The following RORA variants were observed in gnomAD, a reference collection of about 807,000 sequenced individuals.
RORA encodes nuclear receptor ROR-alpha.
Under a neutral mutation model 69.5 loss-of-function variants are expected in RORA, and 7 were observed. That is an observed-to-expected ratio of 0.10 (90% confidence interval 0.06 to 0.19). The LOEUF is 0.19. RORA is among the 10% of genes least tolerant of loss of function. The pLI is 1.00. For missense variants in RORA, 457 were observed against 663.0 expected (o/e 0.69, Z 3.41); for synonymous variants, 261 against 240.8 (o/e 1.08, Z -0.78).
intron 1 of RORA, among the ~76,000 whole-genome samples, chr15:60,819,761 A>ACACACACACACACACACACACACGCACG (rs1567202047): frequency 2.2e-5 from 3 of 138,034 alleles, no homozygotes; most frequent in African/African-American, 7.9e-5. Context: ...ACACACACAC[A>ACACACACACACACACACACACACGCACG]CACACACACA....
At chr15:61,142,274 C>CTG (rs1232949012) in intron 1 of RORA, among the ~76,000 whole-genome samples, 13 of 152,166 alleles carry the variant, frequency 8.5e-5, no homozygotes, top group African/African-American at 2.7e-4. Flanking sequence ...CCAAGCTCCT[C>CTG]TGGCATCTCT....
At chr15:60,673,148 A>G (rs2070500104) in intron 2 of RORA, among the ~76,000 whole-genome samples, 2 of 152,198 alleles carry the variant, frequency 1.3e-5, no homozygotes, top group African/African-American at 4.8e-5. Context: ...AATGCAATTC[A>G]TGAACCTCAA....
chr15:60,929,822 C>A (rs1051938868), intron 1 of RORA, among the ~76,000 whole-genome samples: 6 of 152,170 alleles, frequency 3.9e-5, no homozygotes, highest in Non-Finnish European at 8.8e-5. Context: ...GCCTCCCCTC[C>A]AGCCCCCAGA....
chr15:60,847,138 C>G (rs1012397331), intron 1 of RORA, among the ~76,000 whole-genome samples: 3 of 152,156 alleles, frequency 2.0e-5, no homozygotes, highest in African/African-American at 7.2e-5. Flanking sequence ...AACCTCTGCC[C>G]TTGTTTTCAG....
intron 2 of RORA, among the ~76,000 whole-genome samples, chr15:60,596,431 G>A (rs1298842671): frequency 6.6e-6 from 1 of 152,144 alleles, no homozygotes; most frequent in Non-Finnish European, 1.5e-5. Context: ...AGCCACCACT[G>A]CACTGTGACC....
At chr15:60,816,853 G>T (rs2072824871) in intron 1 of RORA, among the ~76,000 whole-genome samples, 1 of 151,960 alleles carries the variant, frequency 6.6e-6, no homozygotes, top group Non-Finnish European at 1.5e-5. Flanking sequence ...TTTCTAATGG[G>T]TTAACATTTT....
chr15:60,918,498 TG>T (rs1159068734), intron 1 of RORA, among the ~76,000 whole-genome samples: 1 of 152,252 alleles, frequency 6.6e-6, no homozygotes, highest in Non-Finnish European at 1.5e-5. Flanking sequence ...TAATTACGAT[TG>T]GAATTGCCAT....
chr15:61,221,001 T>C (rs919175241), intron 1 of RORA, among the ~76,000 whole-genome samples: 2 of 152,208 alleles, frequency 1.3e-5, no homozygotes, highest in Non-Finnish European at 2.9e-5. Context: ...TCATCCTTCT[T>C]ATCTTTCCCC....
chr15:60,709,837 A>G (rs1473214872), intron 1 of RORA, among the ~76,000 whole-genome samples: 1 of 152,126 alleles, frequency 6.6e-6, no homozygotes, highest in Non-Finnish European at 1.5e-5. Context: ...TCCTGAAACC[A>G]TCCCCCAACA....
intron 2 of RORA, among the ~76,000 whole-genome samples, chr15:60,572,086 T>C (rs1041959256): frequency 2.0e-5 from 3 of 152,168 alleles, no homozygotes; most frequent in African/African-American, 7.2e-5. Context: ...CATAAGTCTA[T>C]GGAAAAAATA....
At chr15:60,609,430 G>A (rs1352061380) in intron 2 of RORA, among the ~76,000 whole-genome samples, 1 of 152,126 alleles carries the variant, frequency 6.6e-6, no homozygotes, top group Non-Finnish European at 1.5e-5. Flanking sequence ...AAAAGTCTCA[G>A]GTATAGGGAA....
intron 2 of RORA, chr15:60,592,407 A>G: frequency 7.0e-7 from 1 of 1,436,442 alleles, no homozygotes; most frequent in Non-Finnish European, 9.2e-7. Flanking sequence ...TGCGATCACA[A>G]AATACATCAT....
rs2065188955 is a variant in RORA at position 60,497,183 on chromosome 15, T to G, written c.*272A>C. 3.2e-6 allele frequency: 1 copy of G among 308,170 alleles called. No homozygotes were observed. Among genetic ancestry groups the G allele is most frequent in the East Asian group, 6.1e-5 (1 of 16,370 alleles). The allele number at this position is 308,170 out of a possible 1,614,324, so 19.1% of individuals were successfully genotyped here. The stretch of plus-strand genomic sequence containing the variant: ...TCCTCCGACTTTAGTACCCTCCTCC[T>G]GTTGTAAACAGAGGTCAATGATCAA... On this transcript the variant is annotated 3_prime_UTR_variant, in exon 11 of 11. Transcript: ENST00000335670.
At chr15:61,055,682 C>T (rs1208350374) in intron 1 of RORA, among the ~76,000 whole-genome samples, 2 of 152,206 alleles carry the variant, frequency 1.3e-5, no homozygotes, top group African/African-American at 2.4e-5. Context: ...AAAATGTGAT[C>T]ATCCTGAACT....
intron 1 of RORA, among the ~76,000 whole-genome samples, chr15:61,171,754 G>A (rs537075574): frequency 6.6e-6 from 1 of 152,150 alleles, no homozygotes; most frequent in Non-Finnish European, 1.5e-5. Context: ...GAGAGGCCTG[G>A]GTCATCTGTC....
At chr15:60,554,880 A>C (rs1038678736) in intron 2 of RORA, among the ~76,000 whole-genome samples, 1 of 150,928 alleles carries the variant, frequency 6.6e-6, no homozygotes, top group African/African-American at 2.4e-5. Context: ...CCCCACGCTC[A>C]CCCCCTGGTT....
chr15:60,886,012 G>A (rs746074123), intron 1 of RORA, among the ~76,000 whole-genome samples: 21 of 152,158 alleles, frequency 1.4e-4, no homozygotes, highest in Non-Finnish European at 2.6e-4. Flanking sequence ...TTTTCCTAGG[G>A]AATCACTTCC....
chr15:60,525,407 G>A (rs1265049846), intron 3 of RORA, among the ~76,000 whole-genome samples: 6 of 152,200 alleles, frequency 3.9e-5, no homozygotes, highest in East Asian at 1.9e-4. Flanking sequence ...AGGCTGAAAT[G>A]CTGATCTGAT....
chr15:60,584,255 C>T (rs1345882649), intron 2 of RORA, among the ~76,000 whole-genome samples: 2 of 152,214 alleles, frequency 1.3e-5, no homozygotes, highest in African/African-American at 2.4e-5. Flanking sequence ...TCTTAAGACT[C>T]TCTGGAGTAT....
Sources: allele counts gnomAD v4.1 joint callset (sites outside exome capture counted in the v4.1 genomes callset), GRCh38; gene constraint gnomAD v4.1.1; transcripts MANE v1.5; gene names NCBI Gene and HGNC (gene_info 2026-07-23, HGNC 2026-07-21).